GRM7: variants seen among roughly 807,000 people sequenced by gnomAD.
GRM7 encodes the protein metabotropic glutamate receptor 7.
Under a neutral mutation model 84.5 loss-of-function variants are expected in GRM7, and 35 were observed. That is an observed-to-expected ratio of 0.41 (90% CI 0.32 to 0.55). The LOEUF is 0.55. Ranked by LOEUF, GRM7 falls within the 20% of genes least tolerant of loss-of-function variation. GRM7 has a pLI of 0.19. For missense variants in GRM7, 1,003 were observed against 1,194.6 expected (o/e 0.84, Z 2.36); for synonymous variants, 487 against 455.1 (o/e 1.07, Z -0.89).
intron 2 of GRM7, among the ~76,000 whole-genome samples, chr3:7,274,136 T>C (rs969876455): frequency 1.6e-4 from 24 of 152,078 alleles, no homozygotes; most frequent in African/African-American, 5.8e-4. Flanking sequence ...TATTTCTTCA[T>C]AGGTAGTGCA....
At chr3:7,584,047 A>C (rs2125057563) in intron 8 of GRM7, among the ~76,000 whole-genome samples, 1 of 152,312 alleles carries the variant, frequency 6.6e-6, no homozygotes, top group South Asian at 2.1e-4. Flanking sequence ...GCTTCACAGA[A>C]AATATGACAA....
intron 1 of GRM7, among the ~76,000 whole-genome samples, chr3:7,140,195 G>C (rs1222784845): frequency 1.3e-5 from 2 of 152,030 alleles, no homozygotes; most frequent in East Asian, 3.9e-4. Context: ...CCTTGAATAG[G>C]TGATAAAAGG....
At chr3:7,111,543 G>A (rs1692851043) in intron 1 of GRM7, among the ~76,000 whole-genome samples, 1 of 152,096 alleles carries the variant, frequency 6.6e-6, no homozygotes, top group Non-Finnish European at 1.5e-5. Context: ...TTAAGAGATG[G>A]TCTTGCCTCC....
At chr3:7,643,630 A>G (rs189727234) in intron 8 of GRM7, among the ~76,000 whole-genome samples, 1 of 152,308 alleles carries the variant, frequency 6.6e-6, no homozygotes, top group African/African-American at 2.4e-5. Context: ...TTTCTTTTAA[A>G]TGTCAAATGA....
intron 2 of GRM7, among the ~76,000 whole-genome samples, chr3:7,166,039 A>G (rs2125083478): frequency 6.6e-6 from 1 of 152,204 alleles, no homozygotes; most frequent in East Asian, 1.9e-4. Flanking sequence ...TACTTATAAT[A>G]TGTTCTCCTG....
chr3:7,037,597 T>C (rs1164458022), intron 1 of GRM7, among the ~76,000 whole-genome samples: 1 of 152,162 alleles, frequency 6.6e-6, no homozygotes, highest in Non-Finnish European at 1.5e-5. Flanking sequence ...AAAATATTTT[T>C]CCACACCTCT....
intron 7 of GRM7, among the ~76,000 whole-genome samples, chr3:7,562,152 C>G (rs573358013): frequency 2.0e-5 from 3 of 152,178 alleles, no homozygotes; most frequent in Middle Eastern, 3.4e-3. Flanking sequence ...ACCCATTGCC[C>G]TGTAAGACAG....
chr3:7,037,659 C>G (rs1033672971), intron 1 of GRM7, among the ~76,000 whole-genome samples: 1 of 152,116 alleles, frequency 6.6e-6, no homozygotes, highest in Non-Finnish European at 1.5e-5. Context: ...AAGGAAGGAA[C>G]CAACAAGCAT....
intron 1 of GRM7, among the ~76,000 whole-genome samples, chr3:6,906,715 A>G (rs1471763957): frequency 6.6e-6 from 1 of 152,160 alleles, no homozygotes; most frequent in Non-Finnish European, 1.5e-5. Flanking sequence ...AGTATAATAT[A>G]CAGTGTGTCT....
chr3:7,496,872 CA>C (rs1370796512), intron 7 of GRM7, among the ~76,000 whole-genome samples: 2 of 151,902 alleles, frequency 1.3e-5, no homozygotes, highest in Non-Finnish European at 2.9e-5. Context: ...AAAAATGTGA[CA>C]AAATGTTAAT....
rs544936352 is a variant in GRM7, at chr3:6,865,186, A to G, written c.519+3279A>G. ...TGGAGATTTGTTCCTAAGCTTGCGC[A>G]AAATAATACTCTCCTAATGCTAAGA... On this transcript the variant is annotated intron_variant, in intron 1 of 9. Transcript: ENST00000357716. Among the ~76,000 whole-genome samples the G allele has an allele frequency of 5.3e-5, 8 of 152,350 alleles. No individual in the cohort carries two copies. The South Asian group carries it at 1.7e-3, about 32-fold the overall frequency.
intron 9 of GRM7, among the ~76,000 whole-genome samples, chr3:7,687,938 A>T (rs1395527888): frequency 1.3e-5 from 2 of 152,080 alleles, no homozygotes; most frequent in African/African-American, 4.8e-5. Context: ...GATCTGTCCT[A>T]GTTTTTAAAT....
At chr3:7,086,169 C>T (rs534538338) in intron 1 of GRM7, among the ~76,000 whole-genome samples, 14 of 152,234 alleles carry the variant, frequency 9.2e-5, no homozygotes, top group African/African-American at 3.4e-4. Flanking sequence ...GTTACGTTCA[C>T]TGGAGCTATA....
intron 4 of GRM7, among the ~76,000 whole-genome samples, chr3:7,381,324 T>TATTC (rs1435837400): frequency 6.6e-6 from 1 of 152,178 alleles, no homozygotes; most frequent in African/African-American, 2.4e-5. Context: ...GTTTATTCAT[T>TATTC]ATTCATTCAT....
chr3:7,281,807 G>A (rs533842097), intron 2 of GRM7, among the ~76,000 whole-genome samples: 19 of 152,318 alleles, frequency 1.2e-4, no homozygotes, highest in African/African-American at 4.6e-4. Flanking sequence ...ATGGCGGGGC[G>A]CAGTGGCTCA....
intron 1 of GRM7, among the ~76,000 whole-genome samples, chr3:6,987,605 T>C (rs1047733915): frequency 6.6e-6 from 1 of 152,166 alleles, no homozygotes; most frequent in African/African-American, 2.4e-5. Flanking sequence ...GAAGGAAATA[T>C]GCTGAGGTGA....
At chr3:7,669,588 G>T (rs1699840854) in intron 8 of GRM7, among the ~76,000 whole-genome samples, 1 of 152,174 alleles carries the variant, frequency 6.6e-6, no homozygotes, top group African/African-American at 2.4e-5. Flanking sequence ...GCCTCTCAGG[G>T]TCTGGCAAGG....
chr3:7,199,883 C>T (rs1432973901), intron 2 of GRM7, among the ~76,000 whole-genome samples: 1 of 152,158 alleles, frequency 6.6e-6, no homozygotes, highest in East Asian at 1.9e-4. Context: ...GCCAGACCTT[C>T]TGTCTTGGTC....
At chr3:7,155,867 T>C (rs1228821146) in intron 2 of GRM7, among the ~76,000 whole-genome samples, 1 of 152,174 alleles carries the variant, frequency 6.6e-6, no homozygotes, top group Non-Finnish European at 1.5e-5. Flanking sequence ...AGTTTGACCT[T>C]GCGTAGCTCC....
Sources: allele counts gnomAD v4.1 joint callset (sites outside exome capture counted in the v4.1 genomes callset), GRCh38; gene constraint gnomAD v4.1.1; transcripts MANE v1.5; gene names NCBI Gene and HGNC (gene_info 2026-07-23, HGNC 2026-07-21).